WNT3: variants seen among roughly 807,000 people sequenced by gnomAD.
The protein encoded by WNT3 is Wnt family member 3.
A neutral mutation model predicts 34.2 loss-of-function variants in WNT3; 7 were observed. The ratio of observed to expected loss-of-function variants is 0.20; its 90% CI spans 0.12 to 0.38. WNT3 has a LOEUF of 0.38. Among genes scored for constraint, WNT3 ranks in the 10% least tolerant of loss-of-function variants. WNT3 has a pLI of 1.00. For synonymous variants in WNT3, 212 were observed against 211.5 expected, an observed-to-expected ratio of 1.00 and a Z score of -0.02; for missense variants, 267 against 499.8, an observed-to-expected ratio of 0.53 and a Z score of 4.44.
At chr17:46,778,752 A>C (rs952766932) in intron 1 of WNT3, among the ~76,000 whole-genome samples, 2 of 152,028 alleles carry the variant, frequency 1.3e-5, no homozygotes, top group Non-Finnish European at 2.9e-5. Context: ...ACACTTCTGC[A>C]CATTTGCACA....
intron 1 of WNT3, among the ~76,000 whole-genome samples, chr17:46,810,866 AG>A (rs1186037547): frequency 6.6e-6 from 1 of 152,134 alleles, no homozygotes; most frequent in Admixed American, 6.5e-5. Context: ...ATGGTGGCAG[AG>A]CCAGGTCTCA....
chr17:46,811,060 C>T (rs1482694872), intron 1 of WNT3, among the ~76,000 whole-genome samples: 24 of 152,136 alleles, frequency 1.6e-4, no homozygotes, highest in Admixed American at 9.8e-4. Context: ...AACCAGAGAG[C>T]TGTCTAGTGT....
chr17:46,817,312 T>C (rs1481255649), intron 1 of WNT3, among the ~76,000 whole-genome samples: 2 of 152,258 alleles, frequency 1.3e-5, no homozygotes, highest in South Asian at 2.1e-4. Context: ...TTTCTGACTT[T>C]CACCCCGGGG....
intron 1 of WNT3, among the ~76,000 whole-genome samples, chr17:46,806,201 CTTTTCCTT>C (rs2084192744): frequency 5.5e-5 from 7 of 128,408 alleles, no homozygotes; most frequent in South Asian, 5.0e-4. Context: ...TTTTCTTTTT[CTTTTCCTT>C]TTTTTTTTTT....
intron 2 of WNT3, 33 bp downstream of exon 2, chr17:46,773,634 AG>A: frequency 1.1e-4 from 17 of 160,890 alleles, no homozygotes; most frequent in South Asian, 2.5e-4. Flanking sequence ...CCCCCCACCC[AG>A]CCCCTCCCCC....
intron 1 of WNT3, among the ~76,000 whole-genome samples, chr17:46,782,954 TG>T (rs1193903940): frequency 2.0e-5 from 3 of 152,250 alleles, no homozygotes; most frequent in East Asian, 3.9e-4. Flanking sequence ...GGGACTCAGG[TG>T]GGGCTGTGTC....
At chr17:46,772,675 C>T (rs1450498632) in intron 2 of WNT3, among the ~76,000 whole-genome samples, 1 of 152,224 alleles carries the variant, frequency 6.6e-6, no homozygotes, top group Admixed American at 6.5e-5. Flanking sequence ...TGACAATAGC[C>T]AGCACTTTGC....
chr17:46,771,105 C>A (rs868861996), intron 2 of WNT3, among the ~76,000 whole-genome samples: 7 of 152,230 alleles, frequency 4.6e-5, no homozygotes, highest in Non-Finnish European at 1.5e-5. Flanking sequence ...GCCCGGGACC[C>A]CTCTTGGCTC....
At chr17:46,772,242 G>C (rs1429877937) in intron 2 of WNT3, among the ~76,000 whole-genome samples, 1 of 152,206 alleles carries the variant, frequency 6.6e-6, no homozygotes, top group Non-Finnish European at 1.5e-5. Flanking sequence ...CAAACTCTCG[G>C]GCACACATCG....
intron 1 of WNT3, among the ~76,000 whole-genome samples, chr17:46,790,176 C>T (rs768878390): frequency 5.9e-5 from 9 of 152,172 alleles, no homozygotes; most frequent in South Asian, 2.1e-4. Flanking sequence ...CCCATTCCTC[C>T]GCAGGCTCCT....
intron 2 of WNT3, among the ~76,000 whole-genome samples, chr17:46,770,508 A>G (rs1019573711): frequency 6.6e-6 from 1 of 151,932 alleles, no homozygotes; most frequent in Non-Finnish European, 1.5e-5. Context: ...TCTACAGCCT[A>G]AACCTGCCCA....
In WNT3 at chr17:46,777,555, G is replaced by C. The variant is rs56857849; in HGVS notation, c.81-3646C>G. ...ACTGAGCCCTTCCTGCTGTGCAGAC[G>C]CAGTCTCTCCTCTGCCCCACAGGGA... is the stretch of plus-strand genomic sequence containing the variant. On this transcript the variant is annotated intron_variant, in intron 1 of 4. Coordinates refer to ENST00000225512, the MANE Select transcript of WNT3 (RefSeq NM_030753.5). 5.9e-5 allele frequency among the ~76,000 whole-genome samples: 9 copies of C among 152,368 alleles called. No individual in the cohort carries two copies. In the South Asian group the frequency reaches 1.9e-3, roughly 32 times the overall value.
At chr17:46,797,776 C>A (rs1568090339) in intron 1 of WNT3, among the ~76,000 whole-genome samples, 1 of 152,180 alleles carries the variant, frequency 6.6e-6, no homozygotes, top group East Asian at 1.9e-4. Flanking sequence ...AGAACTACAG[C>A]AAGATCCAGG....
chr17:46,782,355 C>T (rs1338512191), intron 1 of WNT3, among the ~76,000 whole-genome samples: 7 of 152,152 alleles, frequency 4.6e-5, no homozygotes, highest in African/African-American at 1.7e-4. Flanking sequence ...TTTTTCTCTC[C>T]CTGTGGTGGG....
chr17:46,818,231 G>A lies in WNT3; in HGVS notation c.80+287C>T, dbSNP rs576570638. On this transcript the variant is annotated intron_variant, in intron 1 of 4. Coordinates refer to ENST00000225512, the MANE Select transcript of WNT3 (RefSeq NM_030753.5). ...GGGTCTTCGGGGGCCTCTAGATTGG[G>A]ACGGGCAGAGGGTTAGGATCTAAGA... 1.8e-3 allele frequency among the ~76,000 whole-genome samples: 271 copies of A among 152,202 alleles called. 1 individual carries two copies. Among genetic ancestry groups the A allele is most frequent in the Admixed American group, 3.9e-3 (59 of 15,302 alleles).
chr17:46,799,568 C>T (rs2084098588), intron 1 of WNT3, among the ~76,000 whole-genome samples: 1 of 151,774 alleles, frequency 6.6e-6, no homozygotes, highest in Non-Finnish European at 1.5e-5. Context: ...CCATCTCAGC[C>T]TCCTGAGTAG....
chr17:46,783,757 G>C (rs2059480968), intron 1 of WNT3, among the ~76,000 whole-genome samples: 1 of 152,252 alleles, frequency 6.6e-6, no homozygotes, highest in Admixed American at 6.5e-5. Flanking sequence ...GGTGGAGCCA[G>C]GTGGCAGGGG....
rs374403793 is a variant in WNT3, at chr17:46,769,999, G to C, written c.372C>G (p.Ala124=). 4 of 1,597,672 alleles carry C rather than the reference G, an allele frequency of 2.5e-6. No homozygotes were observed. The Admixed American group carries it at 7.0e-5, about 28-fold the overall frequency. ...FVHAIASAGV[A]FAVTRSCAEG... The stretch of plus-strand genomic sequence containing the variant: ...CGGCGCAGGAGCGGGTGACGGCGAA[G>C]GCCACGCCGGCCGAGGCGATGGCGT... The change falls in exon 3 of 5, where the codon GCC becomes GCG. Residue 124 remains alanine, a synonymous_variant. Coordinates refer to ENST00000225512, the MANE Select transcript of WNT3 (RefSeq NM_030753.5).
rs747436207 is a variant in WNT3 at position 46,818,534 on chromosome 17, C to T, written c.64G>A (p.Gly22Ser). The change falls in exon 1 of 5, where the codon GGC (glycine) becomes AGC (serine). Residue 22 changes from glycine (G) to serine (S), a missense_variant. This residue lies in a region of WNT3 where 26 missense variants were observed against 25.8 expected (regional missense o/e 1.01). Coordinates refer to ENST00000225512, the MANE Select transcript of WNT3 (RefSeq NM_030753.5). ...GAGTCTTACCACCAAATTGGGTAGC[C>T]AGCGAGGACCCTGGTGCCACCGAGC... is the stretch of plus-strand genomic sequence containing the variant. ...LLLGGTRVLA[G>S]YPIWWSLALG... 1.9e-6 allele frequency: 3 copies of T among 1,608,108 alleles called. No homozygotes were observed. Among genetic ancestry groups the T allele is most frequent in the Non-Finnish European group, 2.5e-6 (3 of 1,178,228 alleles).
Sources: gnomAD v4.1 joint callset for allele counts (sites outside exome capture counted in the v4.1 genomes callset) on GRCh38, gnomAD v4.1.1 for gene constraint, gnomAD v4.1.1 regional missense constraint, MANE v1.5 for transcripts, NCBI Gene and HGNC (gene_info 2026-07-23, HGNC 2026-07-21) for gene names.